NSUN2: variants seen among roughly 807,000 people sequenced by gnomAD.
NSUN2 encodes RNA cytosine C(5)-methyltransferase NSUN2.
Under a neutral mutation model 92.7 loss-of-function variants are expected in NSUN2, and 63 were observed. That is an observed-to-expected ratio of 0.68 (90% CI 0.56 to 0.84). The LOEUF is 0.84. Among genes scored for constraint, NSUN2 ranks in the 40% least tolerant of loss-of-function variants. NSUN2 has a pLI of 0.00. For synonymous variants in NSUN2, 356 were observed against 348.3 expected (o/e 1.02, Z -0.25); for missense variants, 989 against 964.9 (o/e 1.02, Z -0.33).
At position 6,599,820 on chromosome 5, in the gene NSUN2, T is replaced by A; in HGVS notation, c.*106A>T. 4 of 954,288 alleles carry A rather than the reference T, an allele frequency of 4.2e-6. No homozygotes were observed. Among genetic ancestry groups the A allele is most frequent in the Non-Finnish European group, 6.4e-6 (4 of 626,500 alleles). 59.1% of individuals were successfully genotyped at this position (954,288 alleles called of 1,614,324 possible). A position where few individuals can be genotyped will look rare whatever the true frequency, so the allele number is the denominator to read the frequency against. On this transcript the variant is annotated 3_prime_UTR_variant, in exon 19 of 19. Transcript: ENST00000264670. The stretch of plus-strand genomic sequence containing the variant: ...CCAGTCTGCAGTCATTAGAAATATA[T>A]GCTTTACAGGCCACAGGCTGCTCTG...
In NSUN2 at chr5:6,620,204, G is replaced by A. The variant is rs888683182; in HGVS notation, c.717C>T (p.Val239=). The A allele has an allele frequency of 2.9e-5, 46 of 1,613,190 alleles. No homozygotes were observed. The highest frequency in any genetic ancestry group is 3.5e-5 in the Non-Finnish European group (41 of 1,179,720). The change falls in exon 7 of 19, where the codon GTC becomes GTT. Residue 239 remains valine, a synonymous_variant. Transcript: ENST00000264670. ...KRLSSPCIMV[V]NHDASSIPRL... The stretch of plus-strand genomic sequence containing the variant: ...TGGGTATGCTGGAGGCATCATGGTT[G>A]ACCACCATGATGCAGGGGCTGCTCA...
intron 9 of NSUN2, among the ~76,000 whole-genome samples, chr5:6,613,181 A>G (rs1323106266): frequency 6.6e-6 from 1 of 152,272 alleles, no homozygotes; most frequent in Non-Finnish European, 1.5e-5. Flanking sequence ...GAATGAAGTA[A>G]TTCATTTTTG....
chr5:6,604,975 C>T (rs1472253359), intron 15 of NSUN2: 2 of 590,654 alleles, frequency 3.4e-6, no homozygotes, highest in Non-Finnish European at 3.0e-6. Context: ...AGCCTCTACA[C>T]CTTTAGTACC....
intron 3 of NSUN2, among the ~76,000 whole-genome samples, chr5:6,626,324 T>C (rs1410364869): frequency 6.6e-6 from 1 of 151,858 alleles, no homozygotes; most frequent in East Asian, 1.9e-4. Flanking sequence ...AATGTTATTT[T>C]TATTTTTTTT....
At chr5:6,619,130 A>G (rs1161405650) in intron 7 of NSUN2, among the ~76,000 whole-genome samples, 1 of 152,224 alleles carries the variant, frequency 6.6e-6, no homozygotes, top group Non-Finnish European at 1.5e-5. Flanking sequence ...GTAGGAAAAC[A>G]TGAGACCCCA....
At chr5:6,631,221 G>A (rs1247217938) in intron 3 of NSUN2, among the ~76,000 whole-genome samples, 1 of 152,166 alleles carries the variant, frequency 6.6e-6, no homozygotes, top group Non-Finnish European at 1.5e-5. Flanking sequence ...TGAAGGACTG[G>A]CGCCTCCGGA....
intron 18 of NSUN2, 91 bp from the exon 19 acceptor site, chr5:6,600,323 C>A (rs1736499152): frequency 1.7e-6 from 2 of 1,194,454 alleles, no homozygotes; most frequent in Admixed American, 2.6e-5. Context: ...AAAAAGAAAA[C>A]CACAGAAAAC....
chr5:6,624,611 G>A (rs1385521905), intron 4 of NSUN2, among the ~76,000 whole-genome samples: 2 of 152,214 alleles, frequency 1.3e-5, no homozygotes, highest in Admixed American at 6.5e-5. Flanking sequence ...AGTTGAGCAA[G>A]AGAATCCTTT....
intron 9 of NSUN2, among the ~76,000 whole-genome samples, chr5:6,612,044 C>T (rs147809688): frequency 7.9e-5 from 12 of 152,256 alleles, no homozygotes; most frequent in South Asian, 4.1e-4. Flanking sequence ...GTGACGGGAA[C>T]GGCCTAAAGC....
chr5:6,614,124 C>CCCCCCACCT lies in NSUN2; in HGVS notation c.1022-2327_1022-2326insAGGTGGGGG, dbSNP rs543325766. Among the ~76,000 whole-genome samples the CCCCCCACCT allele has an allele frequency of 2.2e-3, 160 of 73,038 alleles. 26 individuals carry two copies. The highest frequency in any genetic ancestry group is 6.8e-3 in the Middle Eastern group (1 of 146). The allele number at this position is 73,038 out of a possible 152,430, so 47.9% of individuals were successfully genotyped here. On this transcript the variant is annotated intron_variant, in intron 9 of 18. Coordinates refer to ENST00000264670, the MANE Select transcript of NSUN2 (RefSeq NM_017755.6). ...AAAAAAAAAAAAAAAAAAAAAAAAC[C>CCCCCCACCT]CACAACACACACATATAGACAGACA...
intron 6 of NSUN2, 176 bp from the exon 7 acceptor site, chr5:6,620,474 C>T (rs866384028): frequency 5.2e-5 from 23 of 444,752 alleles, no homozygotes; most frequent in Middle Eastern, 1.2e-3. Flanking sequence ...CCAGGTGGCT[C>T]TGGATGGATT....
chr5:6,632,042 A>C, intron 2 of NSUN2, 65 bp from the exon 3 acceptor site: 1 of 1,290,478 alleles, frequency 7.7e-7, no homozygotes, highest in Non-Finnish European at 1.1e-6. Flanking sequence ...GTATCTTCTT[A>C]AATTTAAGAC....
intron 2 of NSUN2, among the ~76,000 whole-genome samples, chr5:6,632,263 G>A (rs1294031261): frequency 1.3e-5 from 2 of 151,998 alleles, no homozygotes; most frequent in East Asian, 1.9e-4. Flanking sequence ...ATGGAGGGGG[G>A]GCGCGGAGGA....
Position 6,605,414 on chromosome 5 carries a change from C to A in NSUN2, c.1602-6G>T, listed in dbSNP as rs377683603. The A allele has an allele frequency of 2.5e-6, 4 of 1,613,452 alleles. No homozygotes were observed. The highest frequency in any genetic ancestry group is 3.4e-6 in the Non-Finnish European group (4 of 1,179,758). On this transcript the variant is annotated splice_polypyrimidine_tract_variant and splice_region_variant and intron_variant, in intron 14 of 18. Coordinates refer to ENST00000264670, the MANE Select transcript of NSUN2 (RefSeq NM_017755.6). ...GATCCAAAGCATAAAATTTCCTGTA[C>A]ATAACAACATTGTTGTTTATCCACA...
intron 5 of NSUN2, among the ~76,000 whole-genome samples, 153 bp downstream of exon 5, chr5:6,623,057 AAAAG>A (rs1221630452): frequency 5.3e-5 from 8 of 151,278 alleles, no homozygotes; most frequent in African/African-American, 1.7e-4. Context: ...AAAAAAAAAA[AAAAG>A]AAACTAAGAT....
At chr5:6,628,376 G>T (rs182536488) in intron 3 of NSUN2, among the ~76,000 whole-genome samples, 12 of 152,130 alleles carry the variant, frequency 7.9e-5, no homozygotes, top group African/African-American at 2.9e-4. Context: ...CACATAAATA[G>T]AATGATAATA....
chr5:6,606,948 T>C lies in NSUN2; in HGVS notation c.1509-36A>G, dbSNP rs200959626. 2.2e-5 allele frequency: 27 copies of C among 1,238,496 alleles called. No individual in the cohort carries two copies. In the East Asian group the frequency reaches 5.3e-4, roughly 24 times the overall value. The allele number at this position is 1,238,496 out of a possible 1,614,324, so 76.7% of individuals were successfully genotyped here. A position where few individuals can be genotyped will look rare whatever the true frequency, so the allele number is the denominator to read the frequency against. ...AATCAGGATGAGACAAATCAATCTG[T>C]AATGTGTGGTAACCTTCAATACCAA... is the stretch of plus-strand genomic sequence containing the variant. On this transcript the variant is annotated intron_variant, in intron 13 of 18. Transcript: ENST00000264670.
intron 9 of NSUN2, among the ~76,000 whole-genome samples, chr5:6,615,872 A>C (rs1417502991): frequency 6.6e-6 from 1 of 152,238 alleles, no homozygotes; most frequent in Non-Finnish European, 1.5e-5. Flanking sequence ...ATATCAATAC[A>C]CTGTAGAAAT....
intron 6 of NSUN2, 67 bp from the exon 7 acceptor site, chr5:6,620,365 G>A (rs563279793): frequency 7.1e-5 from 88 of 1,236,968 alleles, no homozygotes; most frequent in East Asian, 2.4e-4. Flanking sequence ...TGAAATATGC[G>A]ACCTCCAAAG....
Sources: allele counts gnomAD v4.1 joint callset (sites outside exome capture counted in the v4.1 genomes callset), GRCh38; gene constraint gnomAD v4.1.1; transcripts MANE v1.5; gene names NCBI Gene and HGNC (gene_info 2026-07-23, HGNC 2026-07-21).